Variants in SLC4A10 observed in about 807,000 individuals in gnomAD.
SLC4A10 encodes the protein solute carrier family 4 member 10, also known as sodium-driven chloride bicarbonate exchanger.
Under a neutral mutation model 137.7 loss-of-function variants are expected in SLC4A10, and 42 were observed. The observed-to-expected ratio is 0.30, with a 90% CI of 0.24 to 0.39. The LOEUF is 0.39. SLC4A10 is among the 10% of genes least tolerant of loss of function. The pLI is 1.00. For missense variants in SLC4A10, 925 were observed against 1,355.0 expected (o/e 0.68, Z 4.98); for synonymous variants, 474 against 464.1 (o/e 1.02, Z -0.27).
intron 16 of SLC4A10, among the ~76,000 whole-genome samples, chr2:161,944,565 A>G (rs1693366423): frequency 6.6e-6 from 1 of 151,722 alleles, no homozygotes; most frequent in Non-Finnish European, 1.5e-5. Context: ...AATTAAAGCA[A>G]ATACAGCATT....
intron 8 of SLC4A10, among the ~76,000 whole-genome samples, chr2:161,875,479 C>A (rs551830702): frequency 6.6e-6 from 1 of 152,186 alleles, no homozygotes; most frequent in South Asian, 2.1e-4. Context: ...TATTTGTAAC[C>A]CTTCCAGTGG....
At chr2:161,965,030 C>T (rs1437679606) in intron 22 of SLC4A10, 21 bp from the exon 23 acceptor site, 1 of 1,597,084 alleles carries the variant, frequency 6.3e-7, no homozygotes, top group African/African-American at 1.3e-5. Context: ...CCACTTTAAA[C>T]TAGTTTATTA....
chr2:161,635,307 G>A lies in SLC4A10; in HGVS notation c.48+10741G>A, dbSNP rs190927002. Among the ~76,000 whole-genome samples, 7 of 152,142 alleles carry A rather than the reference G, an allele frequency of 4.6e-5. No homozygotes were observed. The East Asian group carries it at 1.4e-3, about 29-fold the overall frequency. ...AGGAATGTGTAGGAACATTGTTGTG[G>A]TAGAGAAAGACTCTCTGGTGAAGGT... On this transcript the variant is annotated intron_variant, in intron 1 of 26. Coordinates refer to ENST00000446997, the MANE Select transcript of SLC4A10 (RefSeq NM_001178015.2).
intron 8 of SLC4A10, among the ~76,000 whole-genome samples, chr2:161,877,190 T>G (rs981607754): frequency 5.3e-5 from 8 of 152,122 alleles, no homozygotes; most frequent in Non-Finnish European, 1.2e-4. Flanking sequence ...CAGACTTTCA[T>G]AGTTAAGACA....
chr2:161,703,480 CTG>C (rs2043337353), intron 1 of SLC4A10, among the ~76,000 whole-genome samples: 1 of 151,540 alleles, frequency 6.6e-6, no homozygotes, highest in Non-Finnish European at 1.5e-5. Flanking sequence ...ATGGTTATCT[CTG>C]TATAATGAAA....
chr2:161,782,585 C>G (rs2053164384), intron 2 of SLC4A10, among the ~76,000 whole-genome samples: 1 of 151,278 alleles, frequency 6.6e-6, no homozygotes, highest in South Asian at 2.1e-4. Flanking sequence ...CATAAAGATG[C>G]TCACTGAGGA....
intron 6 of SLC4A10, among the ~76,000 whole-genome samples, chr2:161,868,224 C>T (rs913228600): frequency 1.4e-4 from 21 of 151,666 alleles, no homozygotes; most frequent in African/African-American, 5.1e-4. Flanking sequence ...TGAGAATATA[C>T]CTTTTTTTCC....
At chr2:161,847,106 T>C (rs368816224) in intron 4 of SLC4A10, among the ~76,000 whole-genome samples, 23 of 148,832 alleles carry the variant, frequency 1.5e-4, no homozygotes, top group East Asian at 7.8e-4. Flanking sequence ...AAGCCAGACA[T>C]AGTACCTGGC....
chr2:161,813,323 T>C (rs1253115234), intron 3 of SLC4A10, among the ~76,000 whole-genome samples: 2 of 152,096 alleles, frequency 1.3e-5, no homozygotes, highest in African/African-American at 4.8e-5. Context: ...TTTCCAACAG[T>C]ATGTATAATA....
intron 15 of SLC4A10, among the ~76,000 whole-genome samples, chr2:161,941,864 G>A (rs1247825358): frequency 1.3e-5 from 2 of 152,068 alleles, no homozygotes; most frequent in Non-Finnish European, 2.9e-5. Flanking sequence ...GTTTCTCTGG[G>A]GTCTCCAAGT....
intron 2 of SLC4A10, among the ~76,000 whole-genome samples, chr2:161,790,420 G>A (rs1431097978): frequency 6.6e-6 from 1 of 151,968 alleles, no homozygotes; most frequent in Non-Finnish European, 1.5e-5. Flanking sequence ...ATTTATTTCT[G>A]GTATTATTAG....
chr2:161,651,581 C>T (rs567046089), intron 1 of SLC4A10, among the ~76,000 whole-genome samples: 22 of 152,310 alleles, frequency 1.4e-4, no homozygotes, highest in East Asian at 3.9e-4. Flanking sequence ...TGGGGCTCTG[C>T]GGTTTCTGGC....
chr2:161,797,825 A>G (rs1490204914), intron 2 of SLC4A10, among the ~76,000 whole-genome samples: 2 of 152,040 alleles, frequency 1.3e-5, no homozygotes, highest in Non-Finnish European at 2.9e-5. Context: ...GTGCCACAGT[A>G]CCTTCTAAAC....
chr2:161,832,730 G>GTT (rs2058509990), intron 3 of SLC4A10, among the ~76,000 whole-genome samples: 1 of 147,524 alleles, frequency 6.8e-6, no homozygotes, highest in Admixed American at 6.8e-5. Context: ...TTTTGTTGTT[G>GTT]TTGTTTTGTT....
chr2:161,744,376 G>T (rs551882911), intron 1 of SLC4A10, among the ~76,000 whole-genome samples: 1 of 151,996 alleles, frequency 6.6e-6, no homozygotes, highest in African/African-American at 2.4e-5. Context: ...TTTCAGTATC[G>T]ATTGAAATGA....
chr2:161,842,235 T>C (rs1463821200), intron 4 of SLC4A10, among the ~76,000 whole-genome samples: 2 of 152,194 alleles, frequency 1.3e-5, no homozygotes, highest in African/African-American at 4.8e-5. Context: ...AGCAGACATT[T>C]TTTCCTTTGA....
chr2:161,974,144 G>T, intron 23 of SLC4A10, 105 bp from the exon 24 acceptor site: 1 of 881,024 alleles, frequency 1.1e-6, no homozygotes, highest in Non-Finnish European at 1.7e-6. Context: ...AGAGTGGAAG[G>T]TCTTGAGGTT....
intron 1 of SLC4A10, among the ~76,000 whole-genome samples, chr2:161,688,410 T>C (rs142176189): frequency 2.0e-5 from 3 of 152,170 alleles, no homozygotes; most frequent in Admixed American, 2.0e-4. Context: ...GATTATAAAG[T>C]TATTGACCCA....
intron 1 of SLC4A10, among the ~76,000 whole-genome samples, chr2:161,721,369 A>G (rs930249264): frequency 6.6e-6 from 1 of 152,118 alleles, no homozygotes; most frequent in Non-Finnish European, 1.5e-5. Context: ...CTTACAAGGC[A>G]GGCAGGCCAG....
Sources: allele counts gnomAD v4.1 joint callset (sites outside exome capture counted in the v4.1 genomes callset), GRCh38; gene constraint gnomAD v4.1.1; transcripts MANE v1.5; gene names NCBI Gene and HGNC (gene_info 2026-07-23, HGNC 2026-07-21).